Variants in HECW2 observed in about 807,000 individuals in gnomAD.
HECW2 encodes the protein HECT, C2 and WW domain containing E3 ubiquitin protein ligase 2.
HECW2 carries 61 observed loss-of-function variants against 175.2 expected under a neutral mutation model. The observed-to-expected ratio is 0.35, with a 90% CI of 0.28 to 0.43. The LOEUF (loss-of-function observed/expected upper bound fraction) is 0.43, where lower values mean the gene tolerates loss of function less well. Ranked by LOEUF, HECW2 falls within the 20% of genes least tolerant of loss-of-function variation. The pLI, the probability that HECW2 is intolerant of heterozygous loss-of-function variation, is 1.00. For missense variants in HECW2, 1,524 were observed against 2,000.5 expected, an observed-to-expected ratio of 0.76 and a Z score of 4.54; for synonymous variants, 671 against 731.0, an observed-to-expected ratio of 0.92 and a Z score of 1.32.
intron 1 of HECW2, among the ~76,000 whole-genome samples, chr2:196,467,367 G>C (rs1350647271): frequency 6.6e-6 from 1 of 152,102 alleles, no homozygotes; most frequent in Admixed American, 6.5e-5. Flanking sequence ...TATAGGATGA[G>C]GGGGAGGGAG....
At chr2:196,414,798 CCAA>C (rs1695209703) in intron 2 of HECW2, among the ~76,000 whole-genome samples, 1 of 152,136 alleles carries the variant, frequency 6.6e-6, no homozygotes, top group African/African-American at 2.4e-5. Context: ...TGTTCTTGCC[CCAA>C]CAACTCAAAC....
chr2:196,334,915 AG>A (rs1431332977), intron 3 of HECW2, among the ~76,000 whole-genome samples: 1 of 152,172 alleles, frequency 6.6e-6, no homozygotes, highest in Non-Finnish European at 1.5e-5. Flanking sequence ...AGAGATGTTG[AG>A]GTTTGCTGCA....
chr2:196,499,564 T>C (rs1441504449), intron 1 of HECW2, among the ~76,000 whole-genome samples: 1 of 152,190 alleles, frequency 6.6e-6, no homozygotes, highest in Admixed American at 6.5e-5. Flanking sequence ...GAGGCTTAAC[T>C]TTTTTCTTAG....
intron 2 of HECW2, among the ~76,000 whole-genome samples, chr2:196,360,545 A>C (rs1693552198): frequency 6.6e-6 from 1 of 152,132 alleles, no homozygotes; most frequent in South Asian, 2.1e-4. Flanking sequence ...AGCCTACTCG[A>C]GGGTGAAGGA....
At chr2:196,287,553 AC>A (rs1414122416) in intron 14 of HECW2, among the ~76,000 whole-genome samples, 1 of 152,158 alleles carries the variant, frequency 6.6e-6, no homozygotes, top group Non-Finnish European at 1.5e-5. Context: ...AAAAAAAGAG[AC>A]TTTTTTTTCT....
At chr2:196,512,884 G>T (rs1033819449) in intron 1 of HECW2, among the ~76,000 whole-genome samples, 1 of 151,796 alleles carries the variant, frequency 6.6e-6, no homozygotes, top group Non-Finnish European at 1.5e-5. Flanking sequence ...TAGAGACGGG[G>T]CCTCACCATG....
chr2:196,253,893 T>C (rs1367465521), intron 19 of HECW2, 27 bp downstream of exon 19: 1 of 1,603,578 alleles, frequency 6.2e-7, no homozygotes, highest in Non-Finnish European at 8.5e-7. Context: ...CCTCAGAGAA[T>C]TCACTGTGAG....
At chr2:196,368,170 A>C (rs1213470214) in intron 2 of HECW2, among the ~76,000 whole-genome samples, 1 of 152,006 alleles carries the variant, frequency 6.6e-6, no homozygotes, top group South Asian at 2.1e-4. Flanking sequence ...ATGTTAGTTC[A>C]ATGTTTAGTT....
intron 1 of HECW2, among the ~76,000 whole-genome samples, chr2:196,583,778 G>A (rs1375010203): frequency 1.3e-5 from 2 of 152,182 alleles, no homozygotes; most frequent in Non-Finnish European, 2.9e-5. Flanking sequence ...ATTAGGCATT[G>A]GTTATTGAAT....
At chr2:196,433,505 A>C (rs969166655) in intron 1 of HECW2, 47 bp from the exon 2 acceptor site, 4 of 1,367,454 alleles carry the variant, frequency 2.9e-6, no homozygotes, top group Admixed American at 4.8e-5. Context: ...CAATACGAAG[A>C]ATCAGATTTA....
intron 1 of HECW2, among the ~76,000 whole-genome samples, chr2:196,440,194 C>G (rs1025154821): frequency 1.3e-5 from 2 of 152,140 alleles, no homozygotes; most frequent in Non-Finnish European, 2.9e-5. Flanking sequence ...AAATGCAAGT[C>G]TCTGCTCAAT....
chr2:196,559,315 C>T (rs1689917028), intron 1 of HECW2, among the ~76,000 whole-genome samples: 1 of 152,186 alleles, frequency 6.6e-6, no homozygotes, highest in Non-Finnish European at 1.5e-5. Flanking sequence ...AGAGTCCTAC[C>T]TGACATGTCC....
Position 196,334,475 on chromosome 2 carries a change from T to G in HECW2, c.444A>C (p.Gly148=). 6.2e-7 allele frequency: 1 copy of G among 1,609,638 alleles called. No homozygotes were observed. Among genetic ancestry groups the G allele is most frequent in the East Asian group, 2.2e-5 (1 of 44,720 alleles). The part of the protein sequence containing the change: ...ICFKYYHGIS[G]ALRATTPCIT... ...TGCAGGGGGTCGTGGCTCGCAGGGC[T>G]CCACTAATGCCGTGGTAATATTTAA... Residue 148 remains glycine, a synonymous_variant, in exon 4 of 29, where the codon GGA becomes GGC. Coordinates refer to ENST00000644978, the MANE Select transcript of HECW2 (RefSeq NM_001348768.2).
intron 1 of HECW2, among the ~76,000 whole-genome samples, chr2:196,527,649 T>C (rs1575639870): frequency 6.6e-6 from 1 of 152,344 alleles, no homozygotes; most frequent in Non-Finnish European, 1.5e-5. Context: ...TTTAAAACAG[T>C]ATTTTTATGT....
At chr2:196,225,719 A>G in intron 23 of HECW2, 53 bp downstream of exon 23, 1 of 1,155,822 alleles carries the variant, frequency 8.7e-7, no homozygotes, top group East Asian at 2.3e-5. Flanking sequence ...TTTTCAAAAA[A>G]GTAAATACTG....
intron 1 of HECW2, among the ~76,000 whole-genome samples, chr2:196,492,251 C>T (rs997790042): frequency 6.6e-6 from 1 of 152,130 alleles, no homozygotes; most frequent in Non-Finnish European, 1.5e-5. Context: ...AGTGAGCAAA[C>T]CAAGTGTCAC....
chr2:196,229,412 C>T (rs181119152), intron 21 of HECW2, among the ~76,000 whole-genome samples: 3 of 152,214 alleles, frequency 2.0e-5, no homozygotes, highest in Admixed American at 2.0e-4. Context: ...GTAATCCCAG[C>T]ACTTTGGGAA....
At chr2:196,406,862 CAATCT>C (rs1429075145) in intron 2 of HECW2, among the ~76,000 whole-genome samples, 3 of 152,224 alleles carry the variant, frequency 2.0e-5, no homozygotes, top group Non-Finnish European at 2.9e-5. Flanking sequence ...TCCTGACTCC[CAATCT>C]AAAGTCTGCC....
intron 28 of HECW2, among the ~76,000 whole-genome samples, chr2:196,204,185 T>G (rs535190297): frequency 6.6e-6 from 1 of 152,306 alleles, no homozygotes; most frequent in African/African-American, 2.4e-5. Context: ...AATTATCTGT[T>G]TAAGTCCTCC....
Sources: gnomAD v4.1 joint callset for allele counts (sites outside exome capture counted in the v4.1 genomes callset) on GRCh38, gnomAD v4.1.1 for gene constraint, MANE v1.5 for transcripts, NCBI Gene and HGNC (gene_info 2026-07-23, HGNC 2026-07-21) for gene names.